Variants in CEP128 observed in about 807,000 individuals in gnomAD.
The protein encoded by CEP128 is centrosomal protein 128, also known as centrosomal protein 128kDa.
In CEP128, 132 loss-of-function variants were observed where a neutral mutation model predicts 156.7. The observed-to-expected ratio is 0.84, with a 90% CI of 0.73 to 0.97. CEP128 has a LOEUF of 0.97. Ranked by LOEUF, CEP128 falls within the 50% of genes least tolerant of loss-of-function variation. CEP128 has a pLI of 0.00. For missense variants in CEP128, 1,252 were observed against 1,281.9 expected (o/e 0.98, Z 0.36); for synonymous variants, 469 against 448.9 (o/e 1.04, Z -0.57).
chr14:80,528,073 G>A (rs1889060758), intron 22 of CEP128, among the ~76,000 whole-genome samples: 1 of 151,940 alleles, frequency 6.6e-6, no homozygotes, highest in African/African-American at 2.4e-5. Context: ...CTTACTGAGT[G>A]TTCAAGCTAG....
intron 9 of CEP128, among the ~76,000 whole-genome samples, chr14:80,851,433 G>A (rs74714662): frequency 1.2e-3 from 177 of 152,184 alleles, no homozygotes; most frequent in African/African-American, 4.1e-3. Flanking sequence ...GAACGAGAAG[G>A]GAGAAAAATG....
At chr14:80,847,882 T>C (rs1886689467) in intron 9 of CEP128, among the ~76,000 whole-genome samples, 1 of 152,202 alleles carries the variant, frequency 6.6e-6, no homozygotes, top group African/African-American at 2.4e-5. Context: ...ACCTGAATTA[T>C]ATTAGGTACA....
intron 14 of CEP128, 79 bp downstream of exon 14, chr14:80,792,681 C>A: frequency 9.1e-7 from 1 of 1,103,582 alleles, no homozygotes; most frequent in South Asian, 1.4e-5. Flanking sequence ...GTATGGCACT[C>A]AAGTGTTTTT....
Position 80,927,759 on chromosome 14 carries a change from A to G in CEP128, c.-15-11197T>C, listed in dbSNP as rs1236261940. The stretch of plus-strand genomic sequence containing the variant: ...ACCACTGGGATACTGCATTTACCCA[A>G]CTGCTTTAGTTGTAGCTGTTTTTCA... On this transcript the variant is annotated intron_variant, in intron 2 of 24. Coordinates refer to ENST00000555265, the MANE Select transcript of CEP128 (RefSeq NM_152446.5). Among the ~76,000 whole-genome samples, 4 of 152,288 alleles carry G rather than the reference A, an allele frequency of 2.6e-5. No homozygotes were observed. The East Asian group carries it at 7.7e-4, about 29-fold the overall frequency.
intron 19 of CEP128, among the ~76,000 whole-genome samples, chr14:80,725,216 A>G (rs1016305509): frequency 2.8e-5 from 4 of 141,806 alleles, no homozygotes; most frequent in African/African-American, 1.1e-4. Context: ...GAGTTTCACT[A>G]TTGTCACCCA....
intron 19 of CEP128, among the ~76,000 whole-genome samples, chr14:80,696,918 C>T (rs930968262): frequency 3.9e-5 from 6 of 151,944 alleles, no homozygotes; most frequent in South Asian, 2.1e-4. Flanking sequence ...CAGACTTGAG[C>T]GTATTAATAT....
chr14:80,930,291 G>A (rs141398863), intron 2 of CEP128, among the ~76,000 whole-genome samples: 201 of 152,204 alleles, frequency 1.3e-3, no homozygotes, highest in African/African-American at 4.5e-3. Flanking sequence ...TGCATCTGGC[G>A]GCAGGCTTTA....
chr14:80,698,578 A>G (rs913094451), intron 19 of CEP128, among the ~76,000 whole-genome samples: 4 of 152,260 alleles, frequency 2.6e-5, no homozygotes, highest in South Asian at 2.1e-4. Flanking sequence ...AGACTACGAA[A>G]AATGCAAATG....
chr14:80,810,955 C>A (rs1012185986), intron 13 of CEP128, among the ~76,000 whole-genome samples: 4 of 152,116 alleles, frequency 2.6e-5, no homozygotes, highest in Non-Finnish European at 5.9e-5. Context: ...ATGCCCCCCA[C>A]AGACCCCAGT....
At chr14:80,526,721 C>A in intron 23 of CEP128, 148 bp downstream of exon 23, 2 of 488,320 alleles carry the variant, frequency 4.1e-6, no homozygotes, top group South Asian at 3.8e-5. Context: ...TCTCCATTTC[C>A]ACAGAATTGA....
At chr14:80,636,371 A>T (rs1894181308) in intron 19 of CEP128, among the ~76,000 whole-genome samples, 1 of 152,212 alleles carries the variant, frequency 6.6e-6, no homozygotes, top group African/African-American at 2.4e-5. Flanking sequence ...ATAAAGATAC[A>T]ACCTATTTAG....
At chr14:80,677,508 C>CAAAAAAAAAAAAA (rs57636757) in intron 19 of CEP128, among the ~76,000 whole-genome samples, 20 of 94,058 alleles carry the variant, frequency 2.1e-4, no homozygotes, top group African/African-American at 6.7e-4. Context: ...GACTCCGTCT[C>CAAAAAAAAAAAAA]AAAAAAAAAA....
chr14:80,672,472 A>T (rs1165052154), intron 19 of CEP128, among the ~76,000 whole-genome samples: 1 of 152,198 alleles, frequency 6.6e-6, no homozygotes, highest in Non-Finnish European at 1.5e-5. Context: ...CAAAAGCAAC[A>T]TAGCTAAGTC....
intron 23 of CEP128, among the ~76,000 whole-genome samples, chr14:80,508,421 A>C (rs934621347): frequency 1.3e-5 from 2 of 152,192 alleles, no homozygotes; most frequent in African/African-American, 4.8e-5. Flanking sequence ...ATTTGTATGG[A>C]GATCACCTTC....
At chr14:80,924,502 T>C (rs771782523) in intron 2 of CEP128, among the ~76,000 whole-genome samples, 7 of 152,188 alleles carry the variant, frequency 4.6e-5, no homozygotes, top group Non-Finnish European at 8.8e-5. Context: ...TTAAGTGTAT[T>C]ATAAACGGTG....
chr14:80,848,032 G>A (rs149810117), intron 9 of CEP128, among the ~76,000 whole-genome samples: 11 of 152,270 alleles, frequency 7.2e-5, no homozygotes, highest in Non-Finnish European at 1.5e-4. Flanking sequence ...TGGGGATGCA[G>A]CAACAAGCAA....
intron 20 of CEP128, among the ~76,000 whole-genome samples, chr14:80,561,584 T>TA (rs1217453207): frequency 6.6e-6 from 1 of 152,184 alleles, no homozygotes; most frequent in Non-Finnish European, 1.5e-5. Context: ...TTTACAGCCC[T>TA]ATTTGGGCCT....
chr14:80,751,828 G>C (rs569962200), intron 18 of CEP128, among the ~76,000 whole-genome samples: 1 of 151,994 alleles, frequency 6.6e-6, no homozygotes, highest in South Asian at 2.1e-4. Context: ...TGGTGGTTTC[G>C]TCATGTTGGT....
chr14:80,918,451 A>G (rs1345255041), intron 2 of CEP128, among the ~76,000 whole-genome samples: 2 of 152,202 alleles, frequency 1.3e-5, no homozygotes, highest in African/African-American at 4.8e-5. Flanking sequence ...AGACAACCCA[A>G]TTTAATTCTC....
Sources: gnomAD v4.1 joint callset for allele counts (sites outside exome capture counted in the v4.1 genomes callset) on GRCh38, gnomAD v4.1.1 for gene constraint, MANE v1.5 for transcripts, NCBI Gene and HGNC (gene_info 2026-07-23, HGNC 2026-07-21) for gene names.